ATP9A: variants seen among roughly 807,000 people sequenced by gnomAD.
ATP9A encodes the protein probable phospholipid-transporting ATPase IIA.
A neutral mutation model predicts 144.1 loss-of-function variants in ATP9A; 52 were observed. The ratio of observed to expected loss-of-function variants is 0.36; its 90% CI spans 0.29 to 0.45. The LOEUF is 0.45. Ranked by LOEUF, ATP9A falls within the 20% of genes least tolerant of loss-of-function variation. The probability of loss-of-function intolerance (pLI) is 1.00; values close to 1 mark genes in which losing one functional copy is unlikely to be tolerated. For missense variants in ATP9A, 947 were observed against 1,392.7 expected, an observed-to-expected ratio of 0.68 and a Z score of 5.09; for synonymous variants, 582 against 557.4, an observed-to-expected ratio of 1.04 and a Z score of -0.62.
chr20:51,767,123 T>C (rs1461953637), intron 1 of ATP9A, among the ~76,000 whole-genome samples: 1 of 150,778 alleles, frequency 6.6e-6, no homozygotes, highest in Non-Finnish European at 1.5e-5. Context: ...GCCACCCTTA[T>C]GGTTCACTCC....
chr20:51,724,856 T>C (rs1042548904), intron 3 of ATP9A, among the ~76,000 whole-genome samples: 1 of 152,180 alleles, frequency 6.6e-6, no homozygotes, highest in Non-Finnish European at 1.5e-5. Context: ...CACACTCAAA[T>C]ACTCTACATT....
At chr20:51,765,424 G>A (rs1190803347) in intron 1 of ATP9A, among the ~76,000 whole-genome samples, 2 of 152,118 alleles carry the variant, frequency 1.3e-5, no homozygotes, top group African/African-American at 2.4e-5. Flanking sequence ...GGAGGCCAAG[G>A]TGGGTGGATC....
At chr20:51,629,197 G>A in intron 15 of ATP9A, 125 bp from the exon 16 acceptor site, 1 of 629,974 alleles carries the variant, frequency 1.6e-6, no homozygotes, top group Non-Finnish European at 2.7e-6. Context: ...TTTTCAGTTG[G>A]CTGAAGATGA....
At chr20:51,730,081 T>C in intron 1 of ATP9A, 103 bp from the exon 2 acceptor site, 2 of 1,279,742 alleles carry the variant, frequency 1.6e-6, no homozygotes, top group East Asian at 2.8e-5. Flanking sequence ...GCATCTTCTC[T>C]GGCTCAGGAC....
chr20:51,757,620 C>T (rs1212768226), intron 1 of ATP9A, among the ~76,000 whole-genome samples: 1 of 152,120 alleles, frequency 6.6e-6, no homozygotes, highest in Non-Finnish European at 1.5e-5. Context: ...AAAATAAAAG[C>T]AGGGCCAGGC....
At chr20:51,725,019 C>T (rs1346905831) in intron 3 of ATP9A, among the ~76,000 whole-genome samples, 1 of 152,124 alleles carries the variant, frequency 6.6e-6, no homozygotes, top group Non-Finnish European at 1.5e-5. Flanking sequence ...ATCTCAAATC[C>T]AAAAATCTGA....
At chr20:51,693,020 T>C (rs2077554844) in intron 7 of ATP9A, among the ~76,000 whole-genome samples, 1 of 152,154 alleles carries the variant, frequency 6.6e-6, no homozygotes, top group African/African-American at 2.4e-5. Context: ...GCTTCTGTGT[T>C]CCACTTCATC....
intron 1 of ATP9A, among the ~76,000 whole-genome samples, chr20:51,767,253 C>A (rs1264531219): frequency 6.6e-6 from 1 of 152,110 alleles, no homozygotes; most frequent in Non-Finnish European, 1.5e-5. Flanking sequence ...AGGCCCCGCC[C>A]AACACCGCGC....
intron 14 of ATP9A, among the ~76,000 whole-genome samples, chr20:51,650,273 C>T (rs1027442356): frequency 3.3e-5 from 5 of 152,134 alleles, no homozygotes. Flanking sequence ...TGGTGGCTCA[C>T]GCCTGTACTC....
intron 27 of ATP9A, among the ~76,000 whole-genome samples, chr20:51,603,153 C>T (rs958585712): frequency 1.3e-5 from 2 of 152,188 alleles, no homozygotes; most frequent in Non-Finnish European, 2.9e-5. Flanking sequence ...AAGCAGCCTC[C>T]GGGCCCTGCT....
Position 51,693,341 on chromosome 20 carries a change from C to A in ATP9A, c.642+667G>T, listed in dbSNP as rs2077556336. 2.0e-5 allele frequency among the ~76,000 whole-genome samples: 3 copies of A among 152,116 alleles called. No homozygotes were observed. The South Asian group carries it at 6.2e-4, about 32-fold the overall frequency. On this transcript the variant is annotated intron_variant, in intron 7 of 27. Coordinates refer to ENST00000338821, the MANE Select transcript of ATP9A (RefSeq NM_006045.3). ...GGGCTCCCAGTGGAGGAAATGGCAA[C>A]AGTAAACATCCAGGGACAGAATGAC...
At chr20:51,616,885 G>T (rs1474735420) in intron 22 of ATP9A, among the ~76,000 whole-genome samples, 1 of 151,888 alleles carries the variant, frequency 6.6e-6, no homozygotes, top group Non-Finnish European at 1.5e-5. Flanking sequence ...TGACAACGCT[G>T]ACTGTCCCAG....
chr20:51,652,960 A>T (rs1452134687), intron 14 of ATP9A, among the ~76,000 whole-genome samples: 2 of 152,050 alleles, frequency 1.3e-5, no homozygotes, highest in Non-Finnish European at 1.5e-5. Context: ...TACAAAAAAA[A>T]ATAGCCGGGC....
intron 1 of ATP9A, among the ~76,000 whole-genome samples, chr20:51,738,667 A>G (rs565513008): frequency 6.6e-6 from 1 of 152,048 alleles, no homozygotes; most frequent in South Asian, 2.1e-4. Flanking sequence ...CAGAGATCAC[A>G]CCACTGCACT....
chr20:51,717,364 T>C (rs932201887), intron 3 of ATP9A, among the ~76,000 whole-genome samples: 1 of 152,124 alleles, frequency 6.6e-6, no homozygotes, highest in African/African-American at 2.4e-5. Flanking sequence ...AAATCAGCGA[T>C]GGTCACCTAG....
At chr20:51,738,037 T>C (rs2077769863) in intron 1 of ATP9A, among the ~76,000 whole-genome samples, 1 of 151,764 alleles carries the variant, frequency 6.6e-6, no homozygotes, top group Admixed American at 6.6e-5. Flanking sequence ...ACATTTTTTT[T>C]TTTTTTTTTG....
chr20:51,705,375 G>A (rs2077610715), intron 4 of ATP9A, among the ~76,000 whole-genome samples: 1 of 152,172 alleles, frequency 6.6e-6, no homozygotes, highest in Non-Finnish European at 1.5e-5. Flanking sequence ...CTGTAAATGA[G>A]AAAGAGTAAG....
Position 51,600,756 on chromosome 20 carries a change from T to C in ATP9A, c.*455A>G, listed in dbSNP as rs952617560. 4 of 152,034 alleles carry C rather than the reference T, an allele frequency of 2.6e-5. No homozygotes were observed. The highest frequency in any genetic ancestry group is 9.7e-5 in the African/African-American group (4 of 41,264). 9.4% of individuals were successfully genotyped at this position (152,034 alleles called of 1,614,324 possible). A position where few individuals can be genotyped will look rare whatever the true frequency, so the allele number is the denominator to read the frequency against. On this transcript the variant is annotated 3_prime_UTR_variant, in exon 28 of 28. Transcript: ENST00000338821. ...GCTTTCTATTTTTCTGACACCTCTTTGTAAGAGCAAGAAAGACATAAAGAG... is the reference window on the plus strand; with the variant it reads ...GCTTTCTATTTTTCTGACACCTCTTCGTAAGAGCAAGAAAGACATAAAGAG...
In ATP9A at chr20:51,694,178, T is replaced by C. The variant is rs1287379096; in HGVS notation, c.548-76A>G. The C allele has an allele frequency of 2.5e-6, 3 of 1,176,800 alleles. No homozygotes were observed. The African/African-American group carries it at 4.6e-5, about 18-fold the overall frequency. The allele number at this position is 1,176,800 out of a possible 1,614,324, so 72.9% of individuals were successfully genotyped here. On this transcript the variant is annotated intron_variant, in intron 6 of 27. Transcript: ENST00000338821. Reference sequence around the variant, plus strand: ...TGGCAGCTCTGGGCAGCGTCTGCTCTGGTCCTTGTAAAAACAGCCAACCAA... The same window carrying C: ...TGGCAGCTCTGGGCAGCGTCTGCTCCGGTCCTTGTAAAAACAGCCAACCAA...
Sources: gnomAD v4.1 joint callset for allele counts (sites outside exome capture counted in the v4.1 genomes callset) on GRCh38, gnomAD v4.1.1 for gene constraint, MANE v1.5 for transcripts, NCBI Gene and HGNC (gene_info 2026-07-23, HGNC 2026-07-21) for gene names.